TNR: variants seen among roughly 807,000 people sequenced by gnomAD.
The protein encoded by TNR is tenascin-R.
In TNR, 45 loss-of-function variants were observed where a neutral mutation model predicts 150.4. The ratio of observed to expected loss-of-function variants is 0.30; its 90% confidence interval spans 0.24 to 0.38. TNR has a LOEUF of 0.38. Among genes scored for constraint, TNR ranks in the 10% least tolerant of loss-of-function variants. TNR has a pLI of 1.00. For synonymous variants in TNR, 687 were observed against 678.4 expected (o/e 1.01, Z -0.20); for missense variants, 1,544 against 1,759.1 (o/e 0.88, Z 2.19).
chr1:175,721,204 C>T (rs148867012), intron 1 of TNR, among the ~76,000 whole-genome samples: 82 of 152,296 alleles, frequency 5.4e-4, no homozygotes, highest in Admixed American at 2.1e-3. Flanking sequence ...CCTCTACTTC[C>T]CACATACCCT....
intron 1 of TNR, among the ~76,000 whole-genome samples, chr1:175,576,819 C>T (rs971081147): frequency 6.6e-6 from 1 of 152,180 alleles, no homozygotes; most frequent in Non-Finnish European, 1.5e-5. Flanking sequence ...AACCCCCAAA[C>T]CAAAATAAGG....
At chr1:175,458,919 C>T (rs1250438567) in intron 2 of TNR, among the ~76,000 whole-genome samples, 1 of 149,684 alleles carries the variant, frequency 6.7e-6, no homozygotes, top group Non-Finnish European at 1.5e-5. Flanking sequence ...CTTCTACCAC[C>T]ACCACCATCA....
intron 1 of TNR, among the ~76,000 whole-genome samples, chr1:175,579,282 C>T (rs938903848): frequency 1.3e-5 from 2 of 151,594 alleles, no homozygotes; most frequent in Admixed American, 1.3e-4. Flanking sequence ...AGCATTTAGC[C>T]ATCATTATAT....
At chr1:175,351,646 A>G (rs1651058224) in intron 18 of TNR, among the ~76,000 whole-genome samples, 1 of 152,212 alleles carries the variant, frequency 6.6e-6, no homozygotes, top group African/African-American at 2.4e-5. Flanking sequence ...TTTCTGCCCA[A>G]GAATCTTTCA....
intron 2 of TNR, among the ~76,000 whole-genome samples, chr1:175,450,804 G>T (rs1656270906): frequency 6.6e-6 from 1 of 152,216 alleles, no homozygotes; most frequent in East Asian, 1.9e-4. Context: ...AATCTAGGGG[G>T]TCCTGAGAAA....
chr1:175,363,797 C>A lies in TNR; in HGVS notation c.2618G>T (p.Ser873Ile). 1.2e-6 allele frequency: 2 copies of A among 1,613,550 alleles called. No homozygotes were observed. Among genetic ancestry groups the A allele is most frequent in the Non-Finnish European group, 1.7e-6 (2 of 1,179,680 alleles). The change falls in exon 13 of 23, where the codon AGC (serine) becomes ATC (isoleucine). Residue 873 changes from serine to isoleucine, a missense_variant. Physicochemically the swap from Ser to Ile is moderately radical, Grantham distance 142. Coordinates refer to ENST00000367674, the MANE Select transcript of TNR (RefSeq NM_003285.3). ...CATCACTGAGTCCTTGGTCACATTG[C>A]TAATTGTGATGTCTTTTGGGGGATC... ...GIDPPKDITI[S>I]NVTKDSVMVS...
At chr1:175,430,724 A>G (rs1557929619) in intron 2 of TNR, among the ~76,000 whole-genome samples, 1 of 152,206 alleles carries the variant, frequency 6.6e-6, no homozygotes, top group Non-Finnish European at 1.5e-5. Context: ...ACATCCAAAG[A>G]TAACCATGTT....
At chr1:175,389,641 T>C (rs574631112) in intron 7 of TNR, among the ~76,000 whole-genome samples, 44 of 152,386 alleles carry the variant, frequency 2.9e-4, no homozygotes, top group African/African-American at 1.1e-3. Flanking sequence ...AAGGCTCCTT[T>C]GTCATGTGAA....
At chr1:175,569,537 GT>G (rs1293927058) in intron 1 of TNR, among the ~76,000 whole-genome samples, 1 of 152,186 alleles carries the variant, frequency 6.6e-6, no homozygotes, top group Non-Finnish European at 1.5e-5. Flanking sequence ...AAAAACCAGT[GT>G]AAAACCATAT....
chr1:175,406,124 G>A, intron 3 of TNR, 92 bp downstream of exon 3: 1 of 1,497,962 alleles, frequency 6.7e-7, no homozygotes, highest in Non-Finnish European at 8.9e-7. Context: ...CGTTTTCGCT[G>A]GAAGTGCATT....
At chr1:175,590,353 T>A (rs548977552) in intron 1 of TNR, among the ~76,000 whole-genome samples, 2 of 152,262 alleles carry the variant, frequency 1.3e-5, no homozygotes, top group African/African-American at 4.8e-5. Context: ...TTTTGATTTT[T>A]AAAATATTGC....
intron 2 of TNR, among the ~76,000 whole-genome samples, chr1:175,431,441 A>G (rs1303576458): frequency 6.6e-6 from 1 of 152,142 alleles, no homozygotes; most frequent in Non-Finnish European, 1.5e-5. Flanking sequence ...TTCTACACCA[A>G]CTTAGCTTAA....
chr1:175,502,973 G>C (rs192066249), intron 2 of TNR, among the ~76,000 whole-genome samples: 1 of 147,720 alleles, frequency 6.8e-6, no homozygotes, highest in Non-Finnish European at 1.5e-5. Flanking sequence ...ATTAGAGCAG[G>C]GTTTGAGTGC....
rs540650014 is a variant in TNR, at chr1:175,330,350, A to T, written c.3632-115T>A. On this transcript the variant is annotated intron_variant, in intron 20 of 22. Coordinates refer to ENST00000367674, the MANE Select transcript of TNR (RefSeq NM_003285.3). Reference sequence around the variant, plus strand: ...TACAGGGAAGAGGAGGGGACTCCAGATTGCTTTTGCTCTTGGTGCTTCACA... The same window carrying T: ...TACAGGGAAGAGGAGGGGACTCCAGTTTGCTTTTGCTCTTGGTGCTTCACA... 252 of 1,182,834 alleles carry T rather than the reference A, an allele frequency of 2.1e-4. 1 individual carries two copies. Among genetic ancestry groups the T allele is most frequent in the East Asian group, 5.1e-4 (20 of 39,176 alleles). The allele number at this position is 1,182,834 out of a possible 1,614,324, so 73.3% of individuals were successfully genotyped here. A position where few individuals can be genotyped will look rare whatever the true frequency, so the allele number is the denominator to read the frequency against.
intron 1 of TNR, among the ~76,000 whole-genome samples, chr1:175,734,040 G>A (rs1667711297): frequency 6.6e-6 from 1 of 152,228 alleles, no homozygotes; most frequent in Non-Finnish European, 1.5e-5. Flanking sequence ...GATTGCTGGT[G>A]ACAGTATGAG....
intron 1 of TNR, chr1:175,539,043 G>A (rs561176948): frequency 1.3e-5 from 2 of 152,308 alleles, no homozygotes; most frequent in Admixed American, 6.5e-5. Context: ...GATCCTTGAA[G>A]ACACACATAA....
At chr1:175,520,571 A>G (rs557267858) in intron 2 of TNR, among the ~76,000 whole-genome samples, 4 of 152,280 alleles carry the variant, frequency 2.6e-5, no homozygotes, top group Non-Finnish European at 4.4e-5. Flanking sequence ...AACATGTCCA[A>G]CTTTAATGTT....
chr1:175,542,062 C>T (rs981566931), intron 1 of TNR, among the ~76,000 whole-genome samples: 9 of 152,254 alleles, frequency 5.9e-5, no homozygotes, highest in South Asian at 2.1e-4. Context: ...ACTGTGACAA[C>T]GGACAGCAGT....
intron 2 of TNR, among the ~76,000 whole-genome samples, chr1:175,492,191 C>A (rs545677631): frequency 1.8e-4 from 28 of 152,288 alleles, no homozygotes; most frequent in South Asian, 1.0e-3. Flanking sequence ...GTCTTTCCCC[C>A]CTCTGGAGAA....
Sources: gnomAD v4.1 joint callset for allele counts (sites outside exome capture counted in the v4.1 genomes callset) on GRCh38, gnomAD v4.1.1 for gene constraint, MANE v1.5 for transcripts, NCBI Gene and HGNC (gene_info 2026-07-23, HGNC 2026-07-21) for gene names.